UBE2J1: variants seen among roughly 807,000 people sequenced by gnomAD.
The protein encoded by UBE2J1 is ubiquitin conjugating enzyme E2 J1.
Under a neutral mutation model 42.1 loss-of-function variants are expected in UBE2J1, and 17 were observed. That is an observed-to-expected ratio of 0.40 (90% confidence interval 0.28 to 0.61). The LOEUF is 0.61. Ranked by LOEUF, UBE2J1 falls within the 20% of genes least tolerant of loss-of-function variation. The pLI, the probability that UBE2J1 is intolerant of heterozygous loss-of-function variation, is 0.38. For synonymous variants in UBE2J1, 127 were observed against 137.2 expected (o/e 0.93, Z 0.52); for missense variants, 291 against 389.4 (o/e 0.75, Z 2.13).
chr6:89,339,533 AGTGG>A (rs1768194931), intron 3 of UBE2J1, among the ~76,000 whole-genome samples: 2 of 1,004 alleles, frequency 2.0e-3, no homozygotes, highest in African/African-American at 0.01. Flanking sequence ...AAGGGAGGGA[AGTGG>A]GGAGGGGAGG....
intron 3 of UBE2J1, among the ~76,000 whole-genome samples, chr6:89,341,772 T>G (rs1768250577): frequency 6.6e-6 from 1 of 151,470 alleles, no homozygotes; most frequent in Admixed American, 6.6e-5. Context: ...GATGTGTAAA[T>G]TTGGAGAGAA....
chr6:89,338,856 G>A (rs188368340), intron 3 of UBE2J1, among the ~76,000 whole-genome samples: 157 of 151,650 alleles, frequency 1.0e-3, no homozygotes, highest in African/African-American at 3.2e-3. Context: ...TAGTAGAGAC[G>A]GGGTTTCACC....
chr6:89,342,563 T>C, intron 2 of UBE2J1, 108 bp from the exon 3 acceptor site: 2 of 1,019,716 alleles, frequency 2.0e-6, no homozygotes, highest in Non-Finnish European at 2.8e-6. Context: ...TGCTTTATAT[T>C]ATTGCTAGTA....
intron 2 of UBE2J1, among the ~76,000 whole-genome samples, 186 bp from the exon 3 acceptor site, chr6:89,342,641 TAATC>T (rs1768269920): frequency 6.6e-6 from 1 of 152,240 alleles, no homozygotes; most frequent in African/African-American, 2.4e-5. Context: ...AAAAGCTATT[TAATC>T]TAGCTTTCAT....
chr6:89,338,582 G>T (rs769575395), intron 3 of UBE2J1, 39 bp from the exon 4 acceptor site: 1 of 1,128,128 alleles, frequency 8.9e-7, no homozygotes, highest in Admixed American at 2.7e-5. Context: ...TTAAATACAT[G>T]TGCTTAATGT....
intron 1 of UBE2J1, among the ~76,000 whole-genome samples, chr6:89,350,408 T>G (rs1177675614): frequency 6.6e-6 from 1 of 152,060 alleles, no homozygotes; most frequent in African/African-American, 2.4e-5. Context: ...TTTCAGTTGC[T>G]CCCCTTCACA....
intron 2 of UBE2J1, 112 bp downstream of exon 2, chr6:89,343,571 C>T (rs892174612): frequency 3.2e-5 from 19 of 594,826 alleles, no homozygotes; most frequent in East Asian, 1.7e-4. Flanking sequence ...GTGAATAAAA[C>T]GTCAAACTAC....
chr6:89,332,149 C>A (rs1768021924), intron 7 of UBE2J1, among the ~76,000 whole-genome samples: 1 of 151,934 alleles, frequency 6.6e-6, no homozygotes, highest in African/African-American at 2.4e-5. Flanking sequence ...CTATATTTGC[C>A]CAACTTCTAT....
intron 5 of UBE2J1, among the ~76,000 whole-genome samples, chr6:89,337,099 C>A (rs1768121614): frequency 1.3e-5 from 2 of 152,110 alleles, no homozygotes; most frequent in South Asian, 4.1e-4. Context: ...TCTTGGCCTG[C>A]CAAAGAGCTG....
intron 3 of UBE2J1, among the ~76,000 whole-genome samples, chr6:89,340,790 A>G (rs1230242305): frequency 1.3e-5 from 2 of 149,616 alleles, no homozygotes; most frequent in East Asian, 2.0e-4. Flanking sequence ...TTTTTTTGAG[A>G]TGGAGTCTCG....
chr6:89,345,474 C>A (rs1218667375), intron 1 of UBE2J1, among the ~76,000 whole-genome samples: 1 of 151,822 alleles, frequency 6.6e-6, no homozygotes, highest in Non-Finnish European at 1.5e-5. Flanking sequence ...TGGTGGCGGA[C>A]GCCTGTAATC....
intron 1 of UBE2J1, among the ~76,000 whole-genome samples, chr6:89,352,135 C>T (rs1278723932): frequency 2.6e-5 from 4 of 152,142 alleles, no homozygotes; most frequent in African/African-American, 9.7e-5. Flanking sequence ...AGTAAATCAG[C>T]CGGCAGTAAA....
At chr6:89,332,299 A>AT (rs796976564) in intron 7 of UBE2J1, among the ~76,000 whole-genome samples, 63 of 152,228 alleles carry the variant, frequency 4.1e-4, no homozygotes, top group African/African-American at 1.4e-3. Context: ...AAGGAAAATC[A>AT]TTTTTTTCCC....
chr6:89,351,222 G>C (rs769470969), intron 1 of UBE2J1, among the ~76,000 whole-genome samples: 2 of 151,556 alleles, frequency 1.3e-5, no homozygotes, highest in Non-Finnish European at 2.9e-5. Flanking sequence ...GGAACTACAG[G>C]AGTGCGCCAC....
At chr6:89,338,861 T>G (rs993247420) in intron 3 of UBE2J1, among the ~76,000 whole-genome samples, 32 of 151,986 alleles carry the variant, frequency 2.1e-4, no homozygotes, top group Non-Finnish European at 2.2e-4. Context: ...GAGACGGGGT[T>G]TCACCGTGTT....
chr6:89,343,111 G>A (rs1393136516), intron 2 of UBE2J1, among the ~76,000 whole-genome samples: 2 of 152,040 alleles, frequency 1.3e-5, no homozygotes, highest in Non-Finnish European at 2.9e-5. Flanking sequence ...AAAGTATCTG[G>A]GGTTCTTTCC....
At position 89,332,117 on chromosome 6, in the gene UBE2J1, T is replaced by C. The variant is rs1293362176; in HGVS notation, c.678+969A>G. Reference sequence around the variant, plus strand: ...CTATTCACTCCCACTTTACGTACGTTATTGCTGGGTAAAGGGCAAATCTAT... The same window carrying C: ...CTATTCACTCCCACTTTACGTACGTCATTGCTGGGTAAAGGGCAAATCTAT... On this transcript the variant is annotated intron_variant, in intron 7 of 7. Transcript: ENST00000435041. 2.6e-5 allele frequency among the ~76,000 whole-genome samples: 4 copies of C among 152,266 alleles called. No homozygotes were observed. The East Asian group carries it at 7.7e-4, about 29-fold the overall frequency.
At position 89,343,511 on chromosome 6, in the gene UBE2J1, G is replaced by A. The variant is rs541513855; in HGVS notation, c.105+172C>T. ...CCATTTTATAAAGACCACAAAATCC[G>A]TTTCTTCTAAAGTGATTTGGAATGG... On this transcript the variant is annotated intron_variant, in intron 2 of 7. Transcript: ENST00000435041. 6.7e-5 allele frequency among the ~76,000 whole-genome samples: 10 copies of A among 148,154 alleles called. No homozygotes were observed. In the East Asian group the frequency reaches 1.0e-3, roughly 15 times the overall value.
In UBE2J1 at chr6:89,329,930, A is replaced by C; in HGVS notation, c.706T>G (p.Ser236Ala). 1 of 1,614,066 alleles carries C rather than the reference A, an allele frequency of 6.2e-7. No homozygotes were observed. The highest frequency in any genetic ancestry group is 8.5e-7 in the Non-Finnish European group (1 of 1,179,962). The change falls in exon 8 of 8, where the codon TCC (serine) becomes GCC (alanine). Residue 236 changes from serine to alanine, a missense_variant. Physicochemically the swap from Ser to Ala is moderately conservative, Grantham distance 99. Transcript: ENST00000435041. The part of the protein sequence containing the change: ...SYGLQNSSAA[S>A]FHQPTQPVAK... ...ACAGGTTGGGTAGGTTGATGAAAGGATGCTGCTGAGGAATTCTGGAGTCCG... is the reference window on the plus strand; with the variant it reads ...ACAGGTTGGGTAGGTTGATGAAAGGCTGCTGCTGAGGAATTCTGGAGTCCG...
Sources: gnomAD v4.1 joint callset for allele counts (sites outside exome capture counted in the v4.1 genomes callset) on GRCh38, gnomAD v4.1.1 for gene constraint, MANE v1.5 for transcripts, NCBI Gene and HGNC (gene_info 2026-07-23, HGNC 2026-07-21) for gene names.